The following ZNF486 variants were observed in gnomAD, a reference collection of about 807,000 sequenced individuals.
ZNF486 encodes zinc finger protein 486.
A neutral mutation model predicts 12.8 loss-of-function variants in ZNF486; 12 were observed. The observed-to-expected ratio is 0.94, with a 90% CI of 0.60 to 1.52. The LOEUF (loss-of-function observed/expected upper bound fraction) is 1.52. ZNF486 is among the 40% of genes most tolerant of loss of function. The pLI is 0.00. For missense variants in ZNF486, 738 were observed against 545.0 expected, an observed-to-expected ratio of 1.35 and a Z score of -3.53; for synonymous variants, 231 against 184.9, an observed-to-expected ratio of 1.25 and a Z score of -2.02.
intron 1 of ZNF486, among the ~76,000 whole-genome samples, chr19:20,178,220 G>A (rs868964486): frequency 1.3e-5 from 2 of 151,846 alleles, no homozygotes; most frequent in South Asian, 4.2e-4. Flanking sequence ...GAGCCACCAT[G>A]TCCAGCGAAG....
chr19:20,171,962 G>T (rs567313510), intron 1 of ZNF486, among the ~76,000 whole-genome samples: 13 of 148,960 alleles, frequency 8.7e-5, no homozygotes, highest in Non-Finnish European at 1.9e-4. Flanking sequence ...CATGCATTTG[G>T]TTTTCTGTTT....
intron 3 of ZNF486, among the ~76,000 whole-genome samples, chr19:20,190,488 G>C (rs2089891449): frequency 6.6e-6 from 1 of 152,100 alleles, no homozygotes; most frequent in Non-Finnish European, 1.5e-5. Flanking sequence ...GGGCTCAAGT[G>C]ATCCTTTCAC....
chr19:20,197,455 T>G lies in ZNF486; in HGVS notation c.745T>G (p.Tyr249Asp), dbSNP rs1568328403. Residue 249 changes from tyrosine to aspartate, a missense_variant, in exon 4 of 4, where the codon TAC becomes GAC. Coordinates refer to ENST00000335117, the MANE Select transcript of ZNF486 (RefSeq NM_052852.4). ...KCEECGKVFKYFSSFTTHKKI... is the reference protein window; with the variant it reads ...KCEECGKVFKDFSSFTTHKKI... ...TGAAGAATGTGGCAAAGTCTTTAAG[T>G]ACTTCTCTAGCTTTACTACACATAA... 6.2e-7 allele frequency: 1 copy of G among 1,608,930 alleles called. No homozygotes were observed. The highest frequency in any genetic ancestry group is 2.2e-5 in the East Asian group (1 of 44,754).
At chr19:20,177,584 G>A (rs528317846) in intron 1 of ZNF486, among the ~76,000 whole-genome samples, 35 of 152,114 alleles carry the variant, frequency 2.3e-4, no homozygotes, top group Non-Finnish European at 4.6e-4. Context: ...AAATAAAAAC[G>A]TTTGTTTTTT....
rs2030093154 is a variant in ZNF486 at position 20,199,016 on chromosome 19, A to G, written c.*914A>G. 2 of 152,214 alleles carry G rather than the reference A, an allele frequency of 1.3e-5. 1 individual carries two copies. Among genetic ancestry groups the G allele is most frequent in the South Asian group, 4.1e-4 (2 of 4,830 alleles). The allele number at this position is 152,214 out of a possible 1,614,324, so 9.4% of individuals were successfully genotyped here. A position where few individuals can be genotyped will look rare whatever the true frequency, so the allele number is the denominator to read the frequency against. ...TGCCACACTTTATTGTAGGTAATTC[A>G]TACTTCCAAAATACCTACAAGTATG... On this transcript the variant is annotated 3_prime_UTR_variant, in exon 4 of 4. Coordinates refer to ENST00000335117, the MANE Select transcript of ZNF486 (RefSeq NM_052852.4).
rs1555718416 is a variant in ZNF486, at chr19:20,198,108, G to T, written c.*6G>T. 1.3e-6 allele frequency: 2 copies of T among 1,542,664 alleles called. No homozygotes were observed. The highest frequency in any genetic ancestry group is 2.4e-5 in the South Asian group (2 of 81,958). ...GACAGAAACCAAGAACGTGACAAAGGATTATTTTATTATTATTATTTTTTT... is the reference window on the plus strand; with the variant it reads ...GACAGAAACCAAGAACGTGACAAAGTATTATTTTATTATTATTATTTTTTT... On this transcript the variant is annotated 3_prime_UTR_variant, in exon 4 of 4. Coordinates refer to ENST00000335117, the MANE Select transcript of ZNF486 (RefSeq NM_052852.4).
chr19:20,173,251 G>A (rs955205078), intron 1 of ZNF486, among the ~76,000 whole-genome samples: 7 of 152,100 alleles, frequency 4.6e-5, no homozygotes, highest in Admixed American at 2.6e-4. Context: ...ATGGTGTAAC[G>A]AAGGGGTCCA....
chr19:20,181,543 C>CAAA (rs66504246), intron 1 of ZNF486, among the ~76,000 whole-genome samples: 28,734 of 127,644 alleles, frequency 0.23, 3,481 homozygotes, highest in East Asian at 0.43. Flanking sequence ...TCTCAAAAAA[C>CAAA]AAAAAAAAAA....
intron 1 of ZNF486, chr19:20,174,867 A>G (rs1361482906): frequency 6.6e-6 from 1 of 152,194 alleles, no homozygotes; most frequent in African/African-American, 2.4e-5. Context: ...AGTGTCTTTT[A>G]TTTCATTAAA....
At chr19:20,178,159 C>T (rs781991649) in intron 1 of ZNF486, among the ~76,000 whole-genome samples, 1 of 151,856 alleles carries the variant, frequency 6.6e-6, no homozygotes, top group Non-Finnish European at 1.5e-5. Flanking sequence ...AACTCTTGAC[C>T]TCAGGTGATC....
chr19:20,178,820 C>T (rs2089752626), intron 1 of ZNF486, among the ~76,000 whole-genome samples: 1 of 152,206 alleles, frequency 6.6e-6, no homozygotes, highest in Non-Finnish European at 1.5e-5. Context: ...TTATCTCTTT[C>T]AATGACTCCT....
At position 20,197,270 on chromosome 19, in the gene ZNF486, G is replaced by T. The variant is rs374175413; in HGVS notation, c.560G>T (p.Gly187Val). Reference sequence around the variant, plus strand: ...AAAAAACCTTTGAAATATATAGAAGGTGACAAAGCTTTTAACCAGTCCTCA... The same window carrying T: ...AAAAAACCTTTGAAATATATAGAAGTTGACAAAGCTTTTAACCAGTCCTCA... ...TEKKPLKYIE[G>V]DKAFNQSSTH... is the part of the protein sequence containing the mutation. Residue 187 changes from glycine (G) to valine (V), a missense_variant, in exon 4 of 4, where the codon GGT becomes GTT. Gly to Val is a moderately radical substitution (Grantham distance 109). Transcript: ENST00000335117. 7.5e-5 allele frequency: 121 copies of T among 1,610,650 alleles called. No individual in the cohort carries two copies. Among genetic ancestry groups the T allele is most frequent in the Admixed American group, 2.4e-4 (14 of 59,172 alleles).
intron 1 of ZNF486, among the ~76,000 whole-genome samples, chr19:20,183,282 T>C (rs2089806146): frequency 6.6e-6 from 1 of 152,212 alleles, no homozygotes; most frequent in South Asian, 2.1e-4. Context: ...ATGAAGAACA[T>C]GTAATGTTGA....
intron 2 of ZNF486, among the ~76,000 whole-genome samples, chr19:20,185,773 G>A (rs1555716303): frequency 6.8e-6 from 1 of 147,990 alleles, no homozygotes; most frequent in East Asian, 2.0e-4. Context: ...TCTATAAACA[G>A]CAACTTTTTA....
intron 1 of ZNF486, among the ~76,000 whole-genome samples, chr19:20,171,981 G>A (rs2089652720): frequency 6.7e-6 from 1 of 148,370 alleles, no homozygotes; most frequent in Non-Finnish European, 1.5e-5. Flanking sequence ...TTCTACGTTA[G>A]TTTCCTTTTT....
At chr19:20,178,552 GTTC>G (rs2089749353) in intron 1 of ZNF486, among the ~76,000 whole-genome samples, 1 of 152,076 alleles carries the variant, frequency 6.6e-6, no homozygotes, top group African/African-American at 2.4e-5. Context: ...AAAGAAAATT[GTTC>G]TTCTAATTAT....
intron 1 of ZNF486, among the ~76,000 whole-genome samples, chr19:20,179,629 T>C (rs2122646697): frequency 6.6e-6 from 1 of 152,238 alleles, no homozygotes; most frequent in East Asian, 1.9e-4. Context: ...GTCTGCCCTC[T>C]GCCTGGGATT....
intron 1 of ZNF486, among the ~76,000 whole-genome samples, chr19:20,180,708 G>A (rs542962344): frequency 2.0e-5 from 3 of 152,158 alleles, no homozygotes; most frequent in East Asian, 1.9e-4. Flanking sequence ...AAAGTAGCTG[G>A]GATTGCTGGC....
At chr19:20,177,406 C>A (rs1555714974) in intron 1 of ZNF486, among the ~76,000 whole-genome samples, 1 of 152,184 alleles carries the variant, frequency 6.6e-6, no homozygotes. Context: ...AAGCAATTAG[C>A]ATACACAGAT....
Sources: allele counts gnomAD v4.1 joint callset (sites outside exome capture counted in the v4.1 genomes callset), GRCh38; gene constraint gnomAD v4.1.1; transcripts MANE v1.5; gene names NCBI Gene and HGNC (gene_info 2026-07-23, HGNC 2026-07-21).